Variants in MPP7 observed in about 807,000 individuals in gnomAD.
MPP7 encodes the protein MAGUK p55 scaffold protein 7.
In MPP7, 60 loss-of-function variants were observed where a neutral mutation model predicts 76.5. The observed-to-expected ratio is 0.78, with a 90% CI of 0.64 to 0.97. The LOEUF is 0.97. Among genes scored for constraint, MPP7 ranks in the 50% least tolerant of loss-of-function variants. The probability of loss-of-function intolerance (pLI) is 0.00; values close to 1 mark genes in which losing one functional copy is unlikely to be tolerated. For synonymous variants in MPP7, 237 were observed against 244.5 expected, an observed-to-expected ratio of 0.97 and a Z score of 0.29; for missense variants, 641 against 694.0, an observed-to-expected ratio of 0.92 and a Z score of 0.86.
chr10:28,241,438 C>A (rs1158214220), intron 1 of MPP7, among the ~76,000 whole-genome samples: 3 of 152,132 alleles, frequency 2.0e-5, no homozygotes, highest in African/African-American at 7.2e-5. Flanking sequence ...TTGACAGAAT[C>A]CTAACCAGTA....
chr10:28,199,542 A>C (rs190918303), intron 3 of MPP7, among the ~76,000 whole-genome samples: 1 of 152,104 alleles, frequency 6.6e-6, no homozygotes, highest in Non-Finnish European at 1.5e-5. Flanking sequence ...CTTCCTCTTT[A>C]TAAGTATATT....
intron 1 of MPP7, among the ~76,000 whole-genome samples, chr10:28,264,220 G>A (rs1840074613): frequency 6.6e-6 from 1 of 152,130 alleles, no homozygotes; most frequent in Non-Finnish European, 1.5e-5. Context: ...GATGGCAGGA[G>A]TTCAAGGTTA....
In MPP7 at chr10:28,237,464, G is replaced by GA. The variant is rs762004344; in HGVS notation, c.37+1103dup. 5.0e-4 allele frequency among the ~76,000 whole-genome samples: 74 copies of GA among 148,722 alleles called. No homozygotes were observed. In the Middle Eastern group the frequency reaches 0.01, roughly 21 times the overall value. On this transcript the variant is annotated intron_variant, in intron 2 of 16. Coordinates refer to ENST00000683449, the MANE Select transcript of MPP7 (RefSeq NM_001318170.2). Reference sequence around the variant, plus strand: ...CGAATCCTCAATGTAAATCACAGCGGAAAAAAAAAATCATTCTTGATGGAT... The same window carrying GA: ...CGAATCCTCAATGTAAATCACAGCGGAAAAAAAAAAATCATTCTTGATGGAT...
chr10:28,240,162 C>T (rs745808531), intron 1 of MPP7, among the ~76,000 whole-genome samples: 1 of 152,116 alleles, frequency 6.6e-6, no homozygotes, highest in Non-Finnish European at 1.5e-5. Context: ...TTTTAATGCA[C>T]TTTCCTCAAT....
intron 1 of MPP7, among the ~76,000 whole-genome samples, chr10:28,286,055 T>A (rs1840783030): frequency 6.6e-6 from 1 of 152,122 alleles, no homozygotes; most frequent in African/African-American, 2.4e-5. Context: ...CTCAAAAATA[T>A]TTTCTTTCGC....
chr10:28,321,044 T>C (rs1834364796), intron 2 of MPP7, among the ~76,000 whole-genome samples: 3 of 152,120 alleles, frequency 2.0e-5, no homozygotes, highest in Non-Finnish European at 2.9e-5. Context: ...ACCGGGGAGA[T>C]AGGCAGTTCC....
At chr10:28,285,942 A>G (rs1019676492) in intron 1 of MPP7, among the ~76,000 whole-genome samples, 3 of 152,166 alleles carry the variant, frequency 2.0e-5, no homozygotes, top group Non-Finnish European at 4.4e-5. Context: ...TTCATCTTAA[A>G]AGATGAGGAA....
In MPP7 at chr10:28,082,935, T is replaced by C. The variant is rs1462155555; in HGVS notation, c.1123+6736A>G. ...ATTAAAACCATACTAGGTGCATGAA[T>C]TGGCCTGCATCTTTGCACAGATTAT... On this transcript the variant is annotated intron_variant, in intron 12 of 16. Transcript: ENST00000683449. Among the ~76,000 whole-genome samples, 6 of 152,342 alleles carry C rather than the reference T, an allele frequency of 3.9e-5. No individual in the cohort carries two copies. The Middle Eastern group carries it at 0.017, about 432-fold the overall frequency.
chr10:28,274,097 TTTTC>T (rs1449902818), intron 1 of MPP7, among the ~76,000 whole-genome samples: 1 of 148,594 alleles, frequency 6.7e-6, no homozygotes, highest in Non-Finnish European at 1.5e-5. Flanking sequence ...AATAAAATTT[TTTTC>T]TTTTTTTTTT....
chr10:28,205,485 T>G (rs1160814309), intron 2 of MPP7, among the ~76,000 whole-genome samples: 1 of 152,176 alleles, frequency 6.6e-6, no homozygotes. Context: ...ACTTGGTCTT[T>G]GGGCAAGAAC....
intron 16 of MPP7, among the ~76,000 whole-genome samples, chr10:28,054,586 C>T (rs562269684): frequency 8.5e-5 from 13 of 152,166 alleles, no homozygotes; most frequent in Non-Finnish European, 1.9e-4. Flanking sequence ...GATGTTTTGG[C>T]TGCATTATTT....
Position 28,141,433 on chromosome 10 carries a change from A to T in MPP7, c.315+6050T>A, listed in dbSNP as rs76436342. ...AATTACTAAACAGGAAAAGATTTTT[A>T]AAAAATCTTGTCAATAACATTGAAA... On this transcript the variant is annotated intron_variant, in intron 5 of 16. Coordinates refer to ENST00000683449, the MANE Select transcript of MPP7 (RefSeq NM_001318170.2). Among the ~76,000 whole-genome samples, 1,496 of 152,280 alleles carry T rather than the reference A, an allele frequency of 9.8e-3. 37 individuals are homozygous for T. Among genetic ancestry groups the T allele is most frequent in the East Asian group, 0.076 (392 of 5,174 alleles).
chr10:28,067,350 T>G (rs2133355774), intron 13 of MPP7, among the ~76,000 whole-genome samples: 1 of 152,352 alleles, frequency 6.6e-6, no homozygotes, highest in South Asian at 2.1e-4. Flanking sequence ...ATTCTAAAAT[T>G]ACTCTTAAAA....
chr10:28,309,854 T>C (rs140102639), intron 2 of MPP7, among the ~76,000 whole-genome samples: 94,527 of 151,132 alleles, frequency 0.63, 29,771 homozygotes, highest in South Asian at 0.7. Context: ...GGCTCCAGGG[T>C]TGGCTCCAGC....
At chr10:28,200,435 T>C (rs1837732497) in intron 3 of MPP7, among the ~76,000 whole-genome samples, 1 of 152,246 alleles carries the variant, frequency 6.6e-6, no homozygotes, top group Non-Finnish European at 1.5e-5. Flanking sequence ...CATGAGTTTA[T>C]TCGCTCCACT....
At chr10:28,218,235 CG>C (rs1446859151) in intron 2 of MPP7, among the ~76,000 whole-genome samples, 1 of 152,060 alleles carries the variant, frequency 6.6e-6, no homozygotes, top group African/African-American at 2.4e-5. Flanking sequence ...GGAAAGGAGT[CG>C]GGGGTAGGGC....
At chr10:28,315,352 G>A (rs897368471) in intron 2 of MPP7, among the ~76,000 whole-genome samples, 9 of 150,132 alleles carry the variant, frequency 6.0e-5, no homozygotes, top group African/African-American at 2.2e-4. Flanking sequence ...GAGGGAAGGA[G>A]GGAGGAAGGA....
At chr10:28,136,708 TAAGAAAA>T (rs1835364734) in intron 5 of MPP7, among the ~76,000 whole-genome samples, 1 of 151,756 alleles carries the variant, frequency 6.6e-6, no homozygotes, top group South Asian at 2.1e-4. Flanking sequence ...AAGTATGAAA[TAAGAAAA>T]AAGTACACTG....
chr10:28,124,002 T>TTTTAAAG, intron 8 of MPP7, 29 bp downstream of exon 8: 1 of 1,393,848 alleles, frequency 7.2e-7, no homozygotes, highest in Admixed American at 1.7e-5. Context: ...TTATTTTTAT[T>TTTTAAAG]GTACCTTTAA....
Sources: allele counts gnomAD v4.1 joint callset (sites outside exome capture counted in the v4.1 genomes callset), GRCh38; gene constraint gnomAD v4.1.1; transcripts MANE v1.5; gene names NCBI Gene and HGNC (gene_info 2026-07-23, HGNC 2026-07-21).